LINGO2: variants seen among roughly 807,000 people sequenced by gnomAD.
The protein encoded by LINGO2 is leucine rich repeat and Ig domain containing 2, also known as leucine-rich repeat and immunoglobulin-like domain-containing nogo receptor-interacting protein 2.
LINGO2 carries 14 observed loss-of-function variants against 30.6 expected under a neutral mutation model. The observed-to-expected ratio is 0.46, with a 90% CI of 0.30 to 0.72. LINGO2 has a LOEUF of 0.72. Ranked by LOEUF, LINGO2 falls within the 30% of genes least tolerant of loss-of-function variation. LINGO2 has a pLI of 0.07. For missense variants in LINGO2, 729 were observed against 751.7 expected, an observed-to-expected ratio of 0.97 and a Z score of 0.35; for synonymous variants, 317 against 288.5, an observed-to-expected ratio of 1.10 and a Z score of -1.00.
At chr9:28,308,649 A>G (rs1417730853) in intron 3 of LINGO2, among the ~76,000 whole-genome samples, 2 of 149,136 alleles carry the variant, frequency 1.3e-5, no homozygotes, top group Non-Finnish European at 3.0e-5. Context: ...CAGGCAACCT[A>G]CAAAATGGGA....
At chr9:28,935,678 G>A in the LINGO2 span, among the ~76,000 whole-genome samples, 814 of 140,356 alleles carry the variant, frequency 5.8e-3, 6 homozygotes, top group African/African-American at 0.021. Context: ...AGAGTCATAA[G>A]AGGATTAAAT....
At chr9:27,949,301 A>G (rs774298229) in exon 6 of LINGO2, 11 of 1,613,996 alleles carry the variant, frequency 6.8e-6, no homozygotes, top group South Asian at 2.2e-5. Flanking sequence ...TGGCTCTTCC[A>G]TTGGACTTGG....
At chr9:28,724,329 G>T in the LINGO2 span, among the ~76,000 whole-genome samples, 2 of 152,152 alleles carry the variant, frequency 1.3e-5, no homozygotes, top group Admixed American at 6.6e-5. Flanking sequence ...GGAAGACTCA[G>T]ATGAATTACT....
At chr9:28,527,019 T>A (rs925962927) in intron 1 of LINGO2, among the ~76,000 whole-genome samples, 2 of 152,232 alleles carry the variant, frequency 1.3e-5, no homozygotes, top group African/African-American at 4.8e-5. Flanking sequence ...ACATTTTTAA[T>A]TGACTCTAAA....
At chr9:28,061,075 T>G (rs1563951955) in intron 4 of LINGO2, among the ~76,000 whole-genome samples, 1 of 151,992 alleles carries the variant, frequency 6.6e-6, no homozygotes, top group East Asian at 1.9e-4. Flanking sequence ...ACAATCGTCA[T>G]ACTCATAATT....
the LINGO2 span, among the ~76,000 whole-genome samples, chr9:29,024,925 C>T: frequency 6.6e-6 from 1 of 152,070 alleles, no homozygotes; most frequent in Non-Finnish European, 1.5e-5. Flanking sequence ...TTAAACCTGT[C>T]TGTTTACCAA....
chr9:28,974,624 A>T, the LINGO2 span, among the ~76,000 whole-genome samples: 1 of 152,234 alleles, frequency 6.6e-6, no homozygotes, highest in Admixed American at 6.5e-5. Context: ...CAATGAATCC[A>T]TAAAACTTGA....
At chr9:28,043,960 A>G (rs528660646) in intron 4 of LINGO2, among the ~76,000 whole-genome samples, 1 of 152,308 alleles carries the variant, frequency 6.6e-6, no homozygotes, top group Non-Finnish European at 1.5e-5. Context: ...TGGTTGATGT[A>G]TATGTTAGTA....
intron 2 of LINGO2, among the ~76,000 whole-genome samples, chr9:28,473,731 G>A: frequency 6.6e-6 from 1 of 152,024 alleles, no homozygotes; most frequent in Non-Finnish European, 1.5e-5. Context: ...ATTACTTAAG[G>A]CCATAGGTTT....
the LINGO2 span, among the ~76,000 whole-genome samples, chr9:28,762,336 T>C: frequency 6.6e-6 from 1 of 151,990 alleles, no homozygotes; most frequent in Non-Finnish European, 1.5e-5. Context: ...AAAAGGGAAG[T>C]GTAACAGTGA....
the LINGO2 span, chr9:28,889,075 AT>A: frequency 2.7e-6 from 1 of 370,502 alleles, no homozygotes; most frequent in African/African-American, 2.1e-5. Flanking sequence ...GGTGCTTGTG[AT>A]TCTTTTCAAA....
At chr9:29,168,387 C>T in the LINGO2 span, among the ~76,000 whole-genome samples, 1 of 152,236 alleles carries the variant, frequency 6.6e-6, no homozygotes, top group South Asian at 2.1e-4. Flanking sequence ...TAAGTAGCAA[C>T]GCCCTGGCCA....
chr9:28,773,760 G>T, the LINGO2 span, among the ~76,000 whole-genome samples: 4 of 152,132 alleles, frequency 2.6e-5, no homozygotes, highest in South Asian at 6.2e-4. Flanking sequence ...CAGGCTTGTG[G>T]AAAGGGTAAT....
intron 4 of LINGO2, among the ~76,000 whole-genome samples, chr9:28,016,273 G>A (rs562963765): frequency 3.9e-5 from 6 of 152,222 alleles, no homozygotes; most frequent in African/African-American, 1.4e-4. Context: ...CTGAGCATAG[G>A]CTTGGCATTA....
the LINGO2 span, among the ~76,000 whole-genome samples, chr9:29,128,404 TTTGACCCTGATA>T: frequency 2.0e-5 from 3 of 152,146 alleles, no homozygotes; most frequent in Non-Finnish European, 4.4e-5. Flanking sequence ...CTGGAATCAA[TTTGACCCTGATA>T]ACCTAAGGAG....
the LINGO2 span, among the ~76,000 whole-genome samples, chr9:29,103,148 C>A: frequency 2.0e-5 from 3 of 152,042 alleles, no homozygotes; most frequent in Non-Finnish European, 4.4e-5. Context: ...GCACCACCAC[C>A]AGCCCAAAAG....
the LINGO2 span, among the ~76,000 whole-genome samples, chr9:29,188,843 C>CA: frequency 6.8e-6 from 1 of 146,554 alleles, no homozygotes; most frequent in African/African-American, 2.5e-5. Context: ...ACCCCCCCGC[C>CA]ACCTTCCTCC....
chr9:29,033,207 T>C, the LINGO2 span, among the ~76,000 whole-genome samples: 1 of 152,018 alleles, frequency 6.6e-6, no homozygotes, highest in Non-Finnish European at 1.5e-5. Context: ...TCTGCCATGA[T>C]GCACTTCCAA....
intron 4 of LINGO2, among the ~76,000 whole-genome samples, chr9:28,079,027 G>A (rs1328134651): frequency 6.7e-6 from 1 of 148,484 alleles, no homozygotes; most frequent in African/African-American, 2.6e-5. Context: ...TGTCTAACAC[G>A]AGGGAGCTCC....
Sources: gnomAD v4.1 joint callset for allele counts (sites outside exome capture counted in the v4.1 genomes callset) on GRCh38, gnomAD v4.1.1 for gene constraint, MANE v1.5 for transcripts, NCBI Gene and HGNC (gene_info 2026-07-23, HGNC 2026-07-21) for gene names.